Variants in FMN1 observed in about 807,000 individuals in gnomAD.
FMN1 encodes formin-1.
FMN1 carries 110 observed loss-of-function variants against 132.4 expected under a neutral mutation model. The ratio of observed to expected loss-of-function variants is 0.83; its 90% CI spans 0.71 to 0.97. The LOEUF is 0.97. FMN1 is among the 50% of genes least tolerant of loss of function. The pLI is 0.00. For missense variants in FMN1, 1,792 were observed against 1,705.3 expected (o/e 1.05, Z -0.90); for synonymous variants, 722 against 651.7 (o/e 1.11, Z -1.64).
intron 17 of FMN1, among the ~76,000 whole-genome samples, chr15:32,810,644 C>G (rs941507393): frequency 6.6e-6 from 1 of 152,160 alleles, no homozygotes; most frequent in Non-Finnish European, 1.5e-5. Context: ...TTTTTATTCT[C>G]AAGAGGGTGG....
intron 7 of FMN1, among the ~76,000 whole-genome samples, chr15:32,988,132 G>A (rs1276729759): frequency 7.3e-6 from 1 of 137,774 alleles, no homozygotes; most frequent in African/African-American, 2.7e-5. Flanking sequence ...GGACTCCAAT[G>A]TTTGATTCTA....
chr15:32,978,782 A>G (rs1304215978), intron 7 of FMN1, among the ~76,000 whole-genome samples: 1 of 152,192 alleles, frequency 6.6e-6, no homozygotes, highest in Non-Finnish European at 1.5e-5. Context: ...TCCCATGGCC[A>G]ATGTCCACCT....
chr15:32,983,063 T>G (rs986605710), intron 7 of FMN1, among the ~76,000 whole-genome samples: 2 of 152,180 alleles, frequency 1.3e-5, no homozygotes, highest in African/African-American at 4.8e-5. Context: ...TTACTTATGT[T>G]TCTCCGGAAA....
chr15:33,184,679 T>C (rs1965818144), intron 2 of FMN1, among the ~76,000 whole-genome samples: 1 of 152,068 alleles, frequency 6.6e-6, no homozygotes, highest in Non-Finnish European at 1.5e-5. Context: ...AATTTTCATA[T>C]TTTTAGTAGA....
chr15:33,065,097 G>GT (rs532819415), intron 5 of FMN1, 23 bp from the exon 6 acceptor site: 2 of 1,532,372 alleles, frequency 1.3e-6, no homozygotes, highest in Non-Finnish European at 1.8e-6. Flanking sequence ...CAGGCAAATA[G>GT]TAAGTGGAAT....
intron 16 of FMN1, among the ~76,000 whole-genome samples, chr15:32,867,727 G>A (rs559961316): frequency 2.6e-4 from 40 of 152,114 alleles, no homozygotes; most frequent in Non-Finnish European, 4.3e-4. Context: ...TCCTGACCTC[G>A]TGATCTGCCC....
intron 6 of FMN1, among the ~76,000 whole-genome samples, chr15:33,022,157 C>A (rs1343098046): frequency 6.6e-6 from 1 of 152,186 alleles, no homozygotes; most frequent in Non-Finnish European, 1.5e-5. Context: ...CCTAATACAA[C>A]GTCAATGCTA....
chr15:33,033,153 C>T (rs1045460555), intron 6 of FMN1, among the ~76,000 whole-genome samples: 34 of 152,128 alleles, frequency 2.2e-4, no homozygotes, highest in African/African-American at 8.0e-4. Context: ...GCCTCAGCCT[C>T]CCGAGTAGCT....
Position 32,950,448 on chromosome 15 carries a change from T to A in FMN1, c.3138+13659A>T, listed in dbSNP as rs565858313. ...CATGGAATCAACCTATAGATGCCCA[T>A]CAATGACAGACTGGATTTTAAAAAA... is the stretch of plus-strand genomic sequence containing the variant. On this transcript the variant is annotated intron_variant, in intron 9 of 20. Transcript: ENST00000616417. Among the ~76,000 whole-genome samples the A allele has an allele frequency of 5.9e-5, 9 of 152,166 alleles. No individual in the cohort carries two copies. In the South Asian group the frequency reaches 1.9e-3, roughly 32 times the overall value.
rs533780564 is a variant in FMN1, at chr15:32,772,750, G to A, written c.*1560C>T. 9 of 152,152 alleles carry A rather than the reference G, an allele frequency of 5.9e-5. No homozygotes were observed. The highest frequency in any genetic ancestry group is 1.3e-4 in the Non-Finnish European group (9 of 68,056). 9.4% of individuals were successfully genotyped at this position (152,152 alleles called of 1,614,324 possible). ...GATCCTGACTGCAGTCTTCATTCTC[G>A]AAGCTGACATTAGATTAGGATATGG... On this transcript the variant is annotated 3_prime_UTR_variant, in exon 21 of 21. Coordinates refer to ENST00000616417, the MANE Select transcript of FMN1 (RefSeq NM_001277313.2).
intron 5 of FMN1, among the ~76,000 whole-genome samples, chr15:33,070,027 C>A (rs2037932609): frequency 3.6e-5 from 2 of 55,472 alleles, no homozygotes; most frequent in Admixed American, 3.0e-4. Flanking sequence ...TTTTTTGAGA[C>A]CGAGTTTCGC....
chr15:33,053,453 G>A (rs956929762), intron 6 of FMN1, among the ~76,000 whole-genome samples: 1 of 152,192 alleles, frequency 6.6e-6, no homozygotes, highest in Non-Finnish European at 1.5e-5. Flanking sequence ...ACAAGGGGCT[G>A]AGTGCAGCAT....
rs913867394 is a variant in FMN1, at chr15:33,008,288, A to G, written c.2162-213T>C. Among the ~76,000 whole-genome samples, 4 of 152,282 alleles carry G rather than the reference A, an allele frequency of 2.6e-5. No homozygotes were observed. The South Asian group carries it at 8.3e-4, about 32-fold the overall frequency. ...TTAGCAAACGCTGAATTACGAAAAG[A>G]CACAAATTAAGCAGATGGGATAGGG... On this transcript the variant is annotated intron_variant, in intron 6 of 20. Coordinates refer to ENST00000616417, the MANE Select transcript of FMN1 (RefSeq NM_001277313.2).
intron 6 of FMN1, among the ~76,000 whole-genome samples, chr15:33,045,080 G>C (rs1471371989): frequency 6.6e-6 from 1 of 152,192 alleles, no homozygotes; most frequent in Non-Finnish European, 1.5e-5. Flanking sequence ...ACCTGCTTTG[G>C]GGCTCTGCAG....
At chr15:33,043,352 A>T (rs1402290131) in intron 6 of FMN1, among the ~76,000 whole-genome samples, 2 of 152,228 alleles carry the variant, frequency 1.3e-5, no homozygotes, top group African/African-American at 2.4e-5. Context: ...TTGGCCAGTC[A>T]AATGTAGCCA....
chr15:32,798,016 C>T (rs924853743), intron 19 of FMN1, among the ~76,000 whole-genome samples: 2 of 152,102 alleles, frequency 1.3e-5, no homozygotes, highest in Admixed American at 6.5e-5. Flanking sequence ...GTTTTGAATG[C>T]CATTCTTATA....
At chr15:32,919,650 A>T (rs1280157185) in intron 10 of FMN1, among the ~76,000 whole-genome samples, 1 of 152,192 alleles carries the variant, frequency 6.6e-6, no homozygotes, top group African/African-American at 2.4e-5. Context: ...AGAAACATGC[A>T]CTCAAACTTT....
chr15:33,024,205 C>CTA (rs2035557232), intron 6 of FMN1, among the ~76,000 whole-genome samples: 1 of 135,918 alleles, frequency 7.4e-6, no homozygotes, highest in Non-Finnish European at 1.6e-5. Flanking sequence ...ACAGGGAATA[C>CTA]TATTTCACAC....
At chr15:33,127,172 AG>A (rs869137867) in intron 4 of FMN1, among the ~76,000 whole-genome samples, 10 of 75,736 alleles carry the variant, frequency 1.3e-4, no homozygotes, top group Middle Eastern at 7.0e-3. Context: ...TCAAACAGAG[AG>A]GAGGTCAGGC....
Sources: gnomAD v4.1 joint callset for allele counts (sites outside exome capture counted in the v4.1 genomes callset) on GRCh38, gnomAD v4.1.1 for gene constraint, MANE v1.5 for transcripts, NCBI Gene and HGNC (gene_info 2026-07-23, HGNC 2026-07-21) for gene names.